The following CSMD1 variants were observed in gnomAD, a reference collection of about 807,000 sequenced individuals.
The protein encoded by CSMD1 is CUB and Sushi multiple domains 1, also known as CUB and sushi domain-containing protein 1.
In CSMD1, 213 loss-of-function variants were observed where a neutral mutation model predicts 417.5. The ratio of observed to expected loss-of-function variants is 0.51; its 90% CI spans 0.46 to 0.57. The LOEUF (loss-of-function observed/expected upper bound fraction) is 0.57, where lower values mean the gene tolerates loss of function less well. Among genes scored for constraint, CSMD1 ranks in the 20% least tolerant of loss-of-function variants. CSMD1 has a pLI of 0.00. For synonymous variants in CSMD1, 2,862 were observed against 1,736.8 expected (o/e 1.65, Z -16.11); for missense variants, 6,923 against 4,529.7 (o/e 1.53, Z -15.17).
chr8:4,358,818 C>T (rs180832414), intron 3 of CSMD1, among the ~76,000 whole-genome samples: 6 of 152,214 alleles, frequency 3.9e-5, no homozygotes, highest in Admixed American at 2.0e-4. Context: ...TTATAAATCA[C>T]GTAAGAGTGC....
At chr8:4,653,300 G>T (rs974233710) in intron 1 of CSMD1, among the ~76,000 whole-genome samples, 1 of 152,074 alleles carries the variant, frequency 6.6e-6, no homozygotes, top group Non-Finnish European at 1.5e-5. Flanking sequence ...TTAAGGTGAC[G>T]ATCACTAGGC....
intron 3 of CSMD1, among the ~76,000 whole-genome samples, chr8:4,217,514 G>A (rs1519168): frequency 1.3e-5 from 2 of 151,936 alleles, no homozygotes; most frequent in Admixed American, 6.6e-5. Flanking sequence ...ATCAAGGGGA[G>A]GGAGAAGGTG....
chr8:3,185,596 A>C (rs1329558322), intron 36 of CSMD1, among the ~76,000 whole-genome samples: 2 of 152,252 alleles, frequency 1.3e-5, no homozygotes, highest in Admixed American at 6.5e-5. Flanking sequence ...AAATTATTAC[A>C]CATCTGAAGC....
intron 1 of CSMD1, among the ~76,000 whole-genome samples, chr8:4,681,206 G>C (rs1283123024): frequency 6.6e-6 from 1 of 152,046 alleles, no homozygotes; most frequent in Non-Finnish European, 1.5e-5. Flanking sequence ...ATTTTCTGTA[G>C]GAAATGAGAG....
chr8:3,105,777 G>T (rs550031289), intron 46 of CSMD1, among the ~76,000 whole-genome samples: 6 of 152,206 alleles, frequency 3.9e-5, no homozygotes, highest in African/African-American at 1.4e-4. Context: ...TTCAAAATTT[G>T]CCTTGAAATG....
intron 2 of CSMD1, among the ~76,000 whole-genome samples, chr8:4,626,527 G>C (rs759085556): frequency 2.0e-5 from 3 of 152,056 alleles, no homozygotes; most frequent in Non-Finnish European, 4.4e-5. Context: ...AAAGTTATCT[G>C]ATCTTAAAGC....
chr8:4,504,960 T>A (rs1259641093), intron 2 of CSMD1, among the ~76,000 whole-genome samples: 2 of 152,350 alleles, frequency 1.3e-5, no homozygotes, highest in African/African-American at 2.4e-5. Flanking sequence ...CATGTGTCTT[T>A]ACAGGAGAAT....
chr8:4,462,684 T>C (rs1375571579), intron 2 of CSMD1, among the ~76,000 whole-genome samples: 1 of 152,190 alleles, frequency 6.6e-6, no homozygotes, highest in Non-Finnish European at 1.5e-5. Context: ...TAAAAACCAC[T>C]GACATTACCC....
chr8:4,072,523 A>C (rs553109294), intron 3 of CSMD1, among the ~76,000 whole-genome samples: 1 of 152,166 alleles, frequency 6.6e-6, no homozygotes, highest in Admixed American at 6.5e-5. Context: ...AAAGCTCTAA[A>C]CAGGAATCAC....
chr8:3,503,832 T>G, intron 10 of CSMD1, among the ~76,000 whole-genome samples: 1 of 122,056 alleles, frequency 8.2e-6, no homozygotes, highest in South Asian at 3.1e-4. Flanking sequence ...CATCCCCCCT[T>G]GCCCCCCCCC....
At chr8:4,869,948 T>C (rs1802638883) in intron 1 of CSMD1, among the ~76,000 whole-genome samples, 1 of 152,082 alleles carries the variant, frequency 6.6e-6, no homozygotes, top group African/African-American at 2.4e-5. Context: ...TAATCTACAA[T>C]AATCTTATAA....
intron 1 of CSMD1, among the ~76,000 whole-genome samples, chr8:4,816,843 T>C (rs1395264600): frequency 6.6e-6 from 1 of 152,040 alleles, no homozygotes; most frequent in Non-Finnish European, 1.5e-5. Context: ...CAATTAATGG[T>C]ATACAGGAAG....
intron 2 of CSMD1, among the ~76,000 whole-genome samples, chr8:4,636,869 A>T (rs2130857513): frequency 6.6e-6 from 1 of 152,286 alleles, no homozygotes; most frequent in Non-Finnish European, 1.5e-5. Context: ...GTCTTACAAG[A>T]GGATTGTAAA....
chr8:3,539,819 T>C (rs1168057593), intron 10 of CSMD1, among the ~76,000 whole-genome samples: 1 of 151,124 alleles, frequency 6.6e-6, no homozygotes, highest in Non-Finnish European at 1.5e-5. Flanking sequence ...AAGAAAACTC[T>C]AGACGTGTTA....
chr8:4,688,450 C>G (rs553304478), intron 1 of CSMD1, among the ~76,000 whole-genome samples: 2 of 152,106 alleles, frequency 1.3e-5, no homozygotes, highest in Non-Finnish European at 2.9e-5. Flanking sequence ...CTCCCCGGGT[C>G]CCTGCTGCCA....
At chr8:3,486,972 G>C (rs1299629867) in intron 11 of CSMD1, among the ~76,000 whole-genome samples, 1 of 152,110 alleles carries the variant, frequency 6.6e-6, no homozygotes, top group Non-Finnish European at 1.5e-5. Flanking sequence ...CCTGAAGCTT[G>C]CTACTCAATC....
At position 4,486,345 on chromosome 8, in the gene CSMD1, A is replaced by T. The variant is rs1243841424; in HGVS notation, c.303-66280T>A. 2.0e-5 allele frequency among the ~76,000 whole-genome samples: 3 copies of T among 149,780 alleles called. No homozygotes were observed. In the East Asian group the frequency reaches 5.8e-4, roughly 29 times the overall value. ...CTACAAATAACAGTAATTTGCGACGATTCTACCAGGTTGCATCTTAAACAT... is the reference window on the plus strand; with the variant it reads ...CTACAAATAACAGTAATTTGCGACGTTTCTACCAGGTTGCATCTTAAACAT... On this transcript the variant is annotated intron_variant, in intron 2 of 69. Transcript: ENST00000635120.
At position 3,308,357 on chromosome 8, in the gene CSMD1, T is replaced by C; in HGVS notation, c.3778A>G (p.Ser1260Gly). 1 of 1,613,508 alleles carries C rather than the reference T, an allele frequency of 6.2e-7. No individual in the cohort carries two copies. Among genetic ancestry groups the C allele is most frequent in the Non-Finnish European group, 8.5e-7 (1 of 1,179,608 alleles). Residue 1260 changes from serine (S) to glycine (G), a missense_variant, in exon 24 of 70, where the codon AGT becomes GGT. Physicochemically the swap from Ser to Gly is moderately conservative, Grantham distance 56. Coordinates refer to ENST00000635120, the MANE Select transcript of CSMD1 (RefSeq NM_033225.6). ...TTGTCCCACACTCTCCTGTCTCCAC[T>C]CAAACAGGTCAGGGTGTTGCTGCCA... ...MHGSNTLTCLSGDRRVWDKPL... is the reference protein window; with the variant it reads ...MHGSNTLTCLGGDRRVWDKPL...
chr8:3,353,128 A>C (rs1226961047), intron 21 of CSMD1, among the ~76,000 whole-genome samples: 5 of 152,234 alleles, frequency 3.3e-5, no homozygotes, highest in African/African-American at 1.2e-4. Context: ...GGCAGATAGG[A>C]AATAATCCAT....
Sources: allele counts gnomAD v4.1 joint callset (sites outside exome capture counted in the v4.1 genomes callset), GRCh38; gene constraint gnomAD v4.1.1; transcripts MANE v1.5; gene names NCBI Gene and HGNC (gene_info 2026-07-23, HGNC 2026-07-21).